Variants in SCAMP2 observed in about 807,000 individuals in gnomAD.
The protein encoded by SCAMP2 is secretory carrier membrane protein 2.
A neutral mutation model predicts 44.1 loss-of-function variants in SCAMP2; 25 were observed. The observed-to-expected ratio is 0.57, with a 90% CI of 0.41 to 0.79. The LOEUF (loss-of-function observed/expected upper bound fraction) is 0.79. Among genes scored for constraint, SCAMP2 ranks in the 30% least tolerant of loss-of-function variants. The pLI is 0.00. For synonymous variants in SCAMP2, 156 were observed against 166.0 expected, an observed-to-expected ratio of 0.94 and a Z score of 0.46; for missense variants, 355 against 411.0, an observed-to-expected ratio of 0.86 and a Z score of 1.18.
intron 1 of SCAMP2, among the ~76,000 whole-genome samples, chr15:74,866,330 G>A (rs2064544011): frequency 6.6e-6 from 1 of 151,864 alleles, no homozygotes; most frequent in African/African-American, 2.4e-5. Flanking sequence ...ATGCCTGGGG[G>A]TGCAGGGGTA....
At chr15:74,866,000 AAGG>A (rs2064540644) in intron 1 of SCAMP2, among the ~76,000 whole-genome samples, 1 of 48,360 alleles carries the variant, frequency 2.1e-5, no homozygotes. Flanking sequence ...GGAAGGAAGG[AAGG>A]AAGGAAGGAA....
intron 5 of SCAMP2, 63 bp from the exon 6 acceptor site, chr15:74,850,736 G>T: frequency 6.4e-7 from 1 of 1,557,974 alleles, no homozygotes; most frequent in South Asian, 1.1e-5. Flanking sequence ...CTCCAATGTG[G>T]CAGCCACTCC....
chr15:74,859,394 G>A (rs1347400755), intron 1 of SCAMP2, among the ~76,000 whole-genome samples: 1 of 152,112 alleles, frequency 6.6e-6, no homozygotes, highest in Non-Finnish European at 1.5e-5. Context: ...ACCACGGCAA[G>A]GTGCAGAGCA....
chr15:74,853,199 C>T (rs1425784691), intron 3 of SCAMP2: 2 of 329,836 alleles, frequency 6.1e-6, no homozygotes, highest in East Asian at 1.7e-4. Context: ...AAGTCTGTGA[C>T]GCCAGCTGAG....
At chr15:74,864,617 G>T (rs1375928522) in intron 1 of SCAMP2, among the ~76,000 whole-genome samples, 5 of 152,250 alleles carry the variant, frequency 3.3e-5, no homozygotes, top group South Asian at 4.1e-4. Flanking sequence ...AGACTGGCTA[G>T]GACACAACTG....
chr15:74,851,819 T>C, intron 4 of SCAMP2: 1 of 452,710 alleles, frequency 2.2e-6, no homozygotes, highest in Non-Finnish European at 3.9e-6. Flanking sequence ...AAAGCCCCTA[T>C]GCTATCAAAG....
rs563102086 is a variant in SCAMP2 at position 74,843,801 on chromosome 15, G to C, written c.*1282C>G. On this transcript the variant is annotated 3_prime_UTR_variant, in exon 9 of 9. Coordinates refer to ENST00000268099, the MANE Select transcript of SCAMP2 (RefSeq NM_005697.5). ...GTAACATATACATTTGTACATAGAG[G>C]GGAAAAAATACCAGAAAGGAGTTCA... The C allele has an allele frequency of 6.6e-6, 1 of 152,230 alleles. No individual in the cohort carries two copies. Among genetic ancestry groups the C allele is most frequent in the South Asian group, 2.1e-4 (1 of 4,828 alleles). The allele number at this position is 152,230 out of a possible 1,614,324, so 9.4% of individuals were successfully genotyped here.
At chr15:74,847,070 C>T (rs1212329824) in intron 7 of SCAMP2, among the ~76,000 whole-genome samples, 3 of 150,714 alleles carry the variant, frequency 2.0e-5, no homozygotes, top group Admixed American at 1.3e-4. Flanking sequence ...TAAACCCATA[C>T]ACCTATTGTC....
At chr15:74,864,083 A>G (rs1290015304) in intron 1 of SCAMP2, among the ~76,000 whole-genome samples, 1 of 152,102 alleles carries the variant, frequency 6.6e-6, no homozygotes, top group Non-Finnish European at 1.5e-5. Flanking sequence ...TATTTTTGAG[A>G]CGGAGTCTCA....
rs532547553 is a variant in SCAMP2, at chr15:74,862,091, CAAAA to C, written c.58-7446_58-7443del. On this transcript the variant is annotated intron_variant, in intron 1 of 8. Coordinates refer to ENST00000268099, the MANE Select transcript of SCAMP2 (RefSeq NM_005697.5). ...CAACAAGGTGAGAACCCGTCTCTAC[CAAAA>C]AAAAAAAAAATACAAAAGTTAGCCA... Among the ~76,000 whole-genome samples, 212 of 106,902 alleles carry C rather than the reference CAAAA, an allele frequency of 2.0e-3. 1 individual carries two copies. The highest frequency in any genetic ancestry group is 7.0e-3 in the African/African-American group (203 of 28,894). The allele number at this position is 106,902 out of a possible 152,430, so 70.1% of individuals were successfully genotyped here. A position where few individuals can be genotyped will look rare whatever the true frequency, so the allele number is the denominator to read the frequency against.
In SCAMP2 at chr15:74,843,746, T is replaced by G. The variant is rs890259773; in HGVS notation, c.*1337A>C. On this transcript the variant is annotated 3_prime_UTR_variant, in exon 9 of 9. Coordinates refer to ENST00000268099, the MANE Select transcript of SCAMP2 (RefSeq NM_005697.5). The stretch of plus-strand genomic sequence containing the variant: ...GGACCCGTGTTGTCTGAAAATGTTT[T>G]TATTTTTACTTAAGCACAAAAATTG... The G allele has an allele frequency of 1.3e-5, 2 of 152,228 alleles. No homozygotes were observed. Among genetic ancestry groups the G allele is most frequent in the African/African-American group, 4.8e-5 (2 of 41,444 alleles). The allele number at this position is 152,228 out of a possible 1,614,324, so 9.4% of individuals were successfully genotyped here.
At chr15:74,862,821 C>CA (rs71434242) in intron 1 of SCAMP2, among the ~76,000 whole-genome samples, 412 of 26,248 alleles carry the variant, frequency 0.016, 9 homozygotes, top group Middle Eastern at 0.062. Context: ...GACTCCATCT[C>CA]AAAAAAAAAA....
chr15:74,847,561 G>A (rs984626471), intron 7 of SCAMP2, among the ~76,000 whole-genome samples: 7 of 152,198 alleles, frequency 4.6e-5, no homozygotes, highest in African/African-American at 1.7e-4. Flanking sequence ...GGAGGGCAGC[G>A]TGCACTTGTT....
chr15:74,850,741 C>T, intron 5 of SCAMP2, 68 bp from the exon 6 acceptor site: 1 of 1,544,282 alleles, frequency 6.5e-7, no homozygotes, highest in Admixed American at 1.7e-5. Context: ...ATGTGGCAGC[C>T]ACTCCCTAGG....
At chr15:74,858,876 G>A (rs1461122387) in intron 1 of SCAMP2, among the ~76,000 whole-genome samples, 2 of 144,906 alleles carry the variant, frequency 1.4e-5, no homozygotes, top group Admixed American at 7.1e-5. Flanking sequence ...GCAGTGGCGC[G>A]ATCTCAGCTC....
At chr15:74,854,948 T>C (rs2064458770) in intron 1 of SCAMP2, among the ~76,000 whole-genome samples, 1 of 150,420 alleles carries the variant, frequency 6.6e-6, no homozygotes, top group African/African-American at 2.4e-5. Context: ...TCAAAATGGT[T>C]CATAGTATTT....
chr15:74,851,263 T>C, intron 5 of SCAMP2, 90 bp downstream of exon 5: 1 of 1,448,968 alleles, frequency 6.9e-7, no homozygotes, highest in Non-Finnish European at 9.5e-7. Context: ...TGAAAGCCTG[T>C]ATACCAGGGA....
rs1281574854 is a variant in SCAMP2 at position 74,854,655 on chromosome 15, A to G, written c.58-6T>C. 2 of 1,606,326 alleles carry G rather than the reference A, an allele frequency of 1.2e-6. No homozygotes were observed. The highest frequency in any genetic ancestry group is 1.1e-5 in the South Asian group (1 of 89,534). ...AGCTGGGTCACAGAGGGATCCTGAG[A>G]AGGTGAAAAAAAGCCCTTAGACACA... is the stretch of plus-strand genomic sequence containing the variant. On this transcript the variant is annotated splice_polypyrimidine_tract_variant and splice_region_variant and intron_variant, in intron 1 of 8. Transcript: ENST00000268099.
At chr15:74,859,650 T>C (rs1303592703) in intron 1 of SCAMP2, among the ~76,000 whole-genome samples, 6 of 144,986 alleles carry the variant, frequency 4.1e-5, no homozygotes, top group Non-Finnish European at 6.0e-5. Context: ...GGAGTCTCGC[T>C]CTGTTGCCCA....
Sources: gnomAD v4.1 joint callset for allele counts (sites outside exome capture counted in the v4.1 genomes callset) on GRCh38, gnomAD v4.1.1 for gene constraint, MANE v1.5 for transcripts, NCBI Gene and HGNC (gene_info 2026-07-23, HGNC 2026-07-21) for gene names.